NAV2: variants seen among roughly 807,000 people sequenced by gnomAD.
NAV2 encodes the protein neuron navigator 2.
In NAV2, 54 loss-of-function variants were observed where a neutral mutation model predicts 223.2. The observed-to-expected ratio is 0.24, with a 90% CI of 0.19 to 0.30. The LOEUF (loss-of-function observed/expected upper bound fraction) is 0.30. Among genes scored for constraint, NAV2 ranks in the 10% least tolerant of loss-of-function variants. NAV2 has a pLI of 1.00. For missense variants in NAV2, 2,806 were observed against 3,147.5 expected, an observed-to-expected ratio of 0.89 and a Z score of 2.60; for synonymous variants, 1,279 against 1,239.3, an observed-to-expected ratio of 1.03 and a Z score of -0.67.
chr11:19,701,802 A>T (rs2049518269), intron 1 of NAV2, among the ~76,000 whole-genome samples: 1 of 152,182 alleles, frequency 6.6e-6, no homozygotes, highest in African/African-American at 2.4e-5. Flanking sequence ...TCCACCCGTG[A>T]AGCTCTGAGG....
intron 6 of NAV2, among the ~76,000 whole-genome samples, chr11:19,894,833 C>T (rs891655655): frequency 1.5e-4 from 23 of 152,264 alleles, no homozygotes; most frequent in Admixed American, 1.4e-3. Context: ...CGGGTTCAAG[C>T]GATTCTCCTG....
intron 10 of NAV2, among the ~76,000 whole-genome samples, chr11:19,970,476 T>C (rs962496195): frequency 1.3e-5 from 2 of 152,226 alleles, no homozygotes; most frequent in Admixed American, 1.3e-4. Context: ...AATTTAATTG[T>C]TGATTGTTAT....
chr11:19,886,982 C>T (rs1014883632), intron 5 of NAV2, among the ~76,000 whole-genome samples: 2 of 152,132 alleles, frequency 1.3e-5, no homozygotes, highest in East Asian at 3.9e-4. Context: ...GCCTTCTCTA[C>T]ACCCCCCTTT....
rs966919623 is a variant in NAV2 at position 20,037,777 on chromosome 11, C to G, written c.2907+1680C>G. Among the ~76,000 whole-genome samples, 10 of 152,316 alleles carry G rather than the reference C, an allele frequency of 6.6e-5. 2 individuals carry two copies. In the South Asian group the frequency reaches 1.0e-3, roughly 16 times the overall value. Reference sequence around the variant, plus strand: ...GATCACTGTTTCATCAGTGATTAGACGCAAGTCAGAAGTGCCCAGCCAGGC... The same window carrying G: ...GATCACTGTTTCATCAGTGATTAGAGGCAAGTCAGAAGTGCCCAGCCAGGC... On this transcript the variant is annotated intron_variant, in intron 12 of 37. Coordinates refer to ENST00000349880, the MANE Select transcript of NAV2 (RefSeq NM_145117.5).
chr11:19,529,060 G>A (rs776419864), intron 1 of NAV2, among the ~76,000 whole-genome samples: 25 of 151,982 alleles, frequency 1.6e-4, no homozygotes, highest in African/African-American at 5.6e-4. Context: ...TGGCACGTGC[G>A]TGCACACACA....
chr11:19,623,419 G>C (rs1245324841), intron 1 of NAV2, among the ~76,000 whole-genome samples: 1 of 152,086 alleles, frequency 6.6e-6, no homozygotes, highest in African/African-American at 2.4e-5. Context: ...ACGTAGATTT[G>C]GTCTTTTCAC....
intron 2 of NAV2, 140 bp from the exon 3 acceptor site, chr11:19,842,729 GTC>G: frequency 1.6e-6 from 1 of 633,386 alleles, no homozygotes; most frequent in Non-Finnish European, 2.8e-6. Context: ...TGCTAGATGT[GTC>G]TCAGTATTTC....
intron 6 of NAV2, among the ~76,000 whole-genome samples, chr11:19,915,790 G>A (rs2043751077): frequency 6.6e-6 from 1 of 152,190 alleles, no homozygotes; most frequent in Non-Finnish European, 1.5e-5. Context: ...TGAGGTCAGG[G>A]ACTGAGCCTC....
chr11:19,977,996 G>GT lies in NAV2; in HGVS notation c.2646-6121dup, dbSNP rs920886673. Among the ~76,000 whole-genome samples the GT allele has an allele frequency of 1.3e-4, 19 of 148,000 alleles. 1 individual carries two copies. Among genetic ancestry groups the GT allele is most frequent in the Admixed American group, 4.0e-4 (6 of 14,910 alleles). On this transcript the variant is annotated intron_variant, in intron 10 of 37. Coordinates refer to ENST00000349880, the MANE Select transcript of NAV2 (RefSeq NM_145117.5). ...ATTTTGTTTTTTTTTGTTTTTTTTG[G>GT]TTTTTTTTAGTAGAAACGGGGTTTC... is the stretch of plus-strand genomic sequence containing the variant.
intron 1 of NAV2, among the ~76,000 whole-genome samples, chr11:19,622,506 T>C (rs1230325625): frequency 6.6e-6 from 1 of 152,234 alleles, no homozygotes; most frequent in African/African-American, 2.4e-5. Flanking sequence ...TTTACCATTA[T>C]GTAATGGCCT....
At chr11:19,977,183 G>A (rs2049838568) in intron 10 of NAV2, among the ~76,000 whole-genome samples, 2 of 152,342 alleles carry the variant, frequency 1.3e-5, no homozygotes, top group South Asian at 2.1e-4. Context: ...GTGTGGGTCT[G>A]TCCGAAGAAT....
In NAV2 at chr11:20,063,347, G is replaced by A. The variant is rs140352674; in HGVS notation, c.4884+988G>A. On this transcript the variant is annotated intron_variant, in intron 20 of 37. Coordinates refer to ENST00000349880, the MANE Select transcript of NAV2 (RefSeq NM_145117.5). ...TCAGTACTACTGGATTTGTTCAGTA[G>A]TATTTACTTTTTATAGCTGTACACT... Among the ~76,000 whole-genome samples the A allele has an allele frequency of 4.4e-3, 670 of 151,564 alleles. 8 individuals carry two copies. The highest frequency in any genetic ancestry group is 0.015 in the African/African-American group (639 of 41,434).
At chr11:19,646,519 G>A (rs907882027) in intron 1 of NAV2, among the ~76,000 whole-genome samples, 5 of 152,158 alleles carry the variant, frequency 3.3e-5, no homozygotes, top group African/African-American at 1.2e-4. Context: ...AGGGCGTGTG[G>A]TGATGTTTAC....
chr11:19,536,139 G>A (rs572079191), intron 1 of NAV2, among the ~76,000 whole-genome samples: 1 of 152,110 alleles, frequency 6.6e-6, no homozygotes, highest in Admixed American at 6.6e-5. Flanking sequence ...TACGTACATG[G>A]TCCCTGTTAA....
At chr11:19,699,830 A>G (rs1378090567) in intron 1 of NAV2, among the ~76,000 whole-genome samples, 3 of 152,190 alleles carry the variant, frequency 2.0e-5, no homozygotes, top group Admixed American at 1.3e-4. Flanking sequence ...AACTGCAAGT[A>G]AAGTGTCTAC....
chr11:19,709,691 C>A (rs549127441), upstream of NAV2, among the ~76,000 whole-genome samples: 1 of 151,532 alleles, frequency 6.6e-6, no homozygotes, highest in Non-Finnish European at 1.5e-5. Flanking sequence ...AAAAATTAGC[C>A]GGGTGTGGTG....
chr11:19,623,998 C>T (rs536177860), intron 1 of NAV2, among the ~76,000 whole-genome samples: 2 of 152,342 alleles, frequency 1.3e-5, no homozygotes, highest in African/African-American at 2.4e-5. Context: ...TCAGGACCCT[C>T]AGCTGCAGGT....
intron 11 of NAV2, among the ~76,000 whole-genome samples, chr11:20,017,613 C>G (rs1056608433): frequency 1.3e-5 from 2 of 152,170 alleles, no homozygotes; most frequent in Non-Finnish European, 2.9e-5. Flanking sequence ...GGGGCATTTC[C>G]TTTTCCTCCG....
intron 1 of NAV2, among the ~76,000 whole-genome samples, chr11:19,512,408 T>C (rs544307823): frequency 6.6e-6 from 1 of 152,186 alleles, no homozygotes; most frequent in African/African-American, 2.4e-5. Flanking sequence ...GCAGTAATGG[T>C]AAATGCCTCC....
Sources: allele counts gnomAD v4.1 joint callset (sites outside exome capture counted in the v4.1 genomes callset), GRCh38; gene constraint gnomAD v4.1.1; transcripts MANE v1.5; gene names NCBI Gene and HGNC (gene_info 2026-07-23, HGNC 2026-07-21).